NEK5: variants seen among roughly 807,000 people sequenced by gnomAD.
NEK5 encodes serine/threonine-protein kinase Nek5.
NEK5 carries 88 observed loss-of-function variants against 109.2 expected under a neutral mutation model. The observed-to-expected ratio is 0.81, with a 90% CI of 0.68 to 0.96. The LOEUF (loss-of-function observed/expected upper bound fraction) is 0.96, where lower values mean the gene tolerates loss of function less well. Ranked by LOEUF, NEK5 falls within the 40% of genes least tolerant of loss-of-function variation. The pLI is 0.00. For synonymous variants in NEK5, 283 were observed against 299.9 expected, an observed-to-expected ratio of 0.94 and a Z score of 0.58; for missense variants, 834 against 920.7, an observed-to-expected ratio of 0.91 and a Z score of 1.22.
At chr13:52,049,666 TAA>T (rs75893721) in intron 23 of NEK5, among the ~76,000 whole-genome samples, 7 of 131,666 alleles carry the variant, frequency 5.3e-5, no homozygotes, top group South Asian at 2.4e-4. Context: ...GCTGATGAAC[TAA>T]AAAAAAAAAA....
intron 23 of NEK5, among the ~76,000 whole-genome samples, chr13:52,045,168 C>T (rs1210784997): frequency 1.7e-5 from 2 of 120,734 alleles, no homozygotes; most frequent in African/African-American, 3.1e-5. Context: ...GTCTCTCTGT[C>T]GCCCAGGCTG....
intron 17 of NEK5, among the ~76,000 whole-genome samples, chr13:52,078,142 G>T (rs914284899): frequency 2.0e-5 from 3 of 151,536 alleles, no homozygotes; most frequent in Admixed American, 6.6e-5. Flanking sequence ...AAAAGCTGGA[G>T]ACAACCCAAA....
intron 17 of NEK5, among the ~76,000 whole-genome samples, chr13:52,081,783 C>T (rs1955018397): frequency 2.0e-5 from 3 of 152,036 alleles, no homozygotes; most frequent in South Asian, 4.2e-4. Flanking sequence ...TTTTTAATTA[C>T]CTGACTTATT....
At chr13:52,114,293 C>A (rs1373953249) in intron 4 of NEK5, among the ~76,000 whole-genome samples, 1 of 152,150 alleles carries the variant, frequency 6.6e-6, no homozygotes, top group Non-Finnish European at 1.5e-5. Context: ...GTCTTATAAG[C>A]AATTGTTGAT....
chr13:52,117,537 C>T (rs1269088943), intron 4 of NEK5, among the ~76,000 whole-genome samples: 1 of 152,180 alleles, frequency 6.6e-6, no homozygotes, highest in Non-Finnish European at 1.5e-5. Flanking sequence ...TCTGCAAAAG[C>T]TTCCAGTGGT....
chr13:52,039,324 T>C (rs905105661), intron 23 of NEK5, among the ~76,000 whole-genome samples: 3 of 152,118 alleles, frequency 2.0e-5, no homozygotes, highest in Admixed American at 6.5e-5. Context: ...AGGCTTAGGA[T>C]TGCCAGTCAT....
chr13:52,075,347 C>T (rs1010013842), intron 19 of NEK5, among the ~76,000 whole-genome samples: 1 of 152,124 alleles, frequency 6.6e-6, no homozygotes, highest in African/African-American at 2.4e-5. Context: ...GGCTACTATC[C>T]TAAGCAAATT....
At position 52,061,843 on chromosome 13, in the gene NEK5, A is replaced by C; in HGVS notation, c.2086T>G (p.Ser696Ala). The change falls in exon 22 of 24, where the codon TCA becomes GCA. Residue 696 changes from serine (S) to alanine (A), a missense_variant. Transcript: ENST00000684899. ...CCAAATTCTTCATCGGCAGAAAATG[A>C]GCTACTCGTTAGATGTGCTGCTGCC... is the stretch of plus-strand genomic sequence containing the variant. The part of the protein sequence containing the change: ...VLAAAHLTSS[S>A]FSADEEFAMG... 2 of 985,768 alleles carry C rather than the reference A, an allele frequency of 2.0e-6. No homozygotes were observed. The highest frequency in any genetic ancestry group is 9.4e-5 in the South Asian group (2 of 21,290). 61.1% of individuals were successfully genotyped at this position (985,768 alleles called of 1,614,324 possible). A position where few individuals can be genotyped will look rare whatever the true frequency, so the allele number is the denominator to read the frequency against.
At chr13:52,046,451 C>T (rs1368710950) in intron 23 of NEK5, among the ~76,000 whole-genome samples, 1 of 148,964 alleles carries the variant, frequency 6.7e-6, no homozygotes, top group Non-Finnish European at 1.5e-5. Context: ...TGCATTCCAG[C>T]CTGGGGAACA....
At chr13:52,082,896 C>T (rs1955042897) in intron 17 of NEK5, among the ~76,000 whole-genome samples, 1 of 152,178 alleles carries the variant, frequency 6.6e-6, no homozygotes, top group African/African-American at 2.4e-5. Context: ...TGCCTATAAT[C>T]CCAGCATTTT....
Position 52,036,765 on chromosome 13 carries a change from A to C in NEK5, c.*183T>G, listed in dbSNP as rs1274507536. On this transcript the variant is annotated 3_prime_UTR_variant, in exon 24 of 24. Coordinates refer to ENST00000684899, the MANE Select transcript of NEK5 (RefSeq NM_001365552.1). ...GCCCGGCCTAAGATTTCTTAATAGAAACTTTAAAGTAAAAATATTAATGGC... is the reference window on the plus strand; with the variant it reads ...GCCCGGCCTAAGATTTCTTAATAGACACTTTAAAGTAAAAATATTAATGGC... The C allele has an allele frequency of 5.3e-6, 1 of 187,526 alleles. No homozygotes were observed. Among genetic ancestry groups the C allele is most frequent in the Non-Finnish European group, 1.0e-5 (1 of 100,492 alleles). 11.6% of individuals were successfully genotyped at this position (187,526 alleles called of 1,614,324 possible).
chr13:52,082,745 G>C (rs1243073090), intron 17 of NEK5, among the ~76,000 whole-genome samples: 1 of 152,168 alleles, frequency 6.6e-6, no homozygotes, highest in Non-Finnish European at 1.5e-5. Context: ...ATACTAAATA[G>C]CAGCAGTTCT....
chr13:52,112,937 T>C (rs1334801719), intron 4 of NEK5, among the ~76,000 whole-genome samples: 2 of 152,246 alleles, frequency 1.3e-5, no homozygotes, highest in African/African-American at 4.8e-5. Flanking sequence ...TATGTCCAAG[T>C]ACCTCTGCTC....
chr13:52,126,717 T>C (rs1198089552), intron 3 of NEK5, among the ~76,000 whole-genome samples: 1 of 152,126 alleles, frequency 6.6e-6, no homozygotes, highest in Non-Finnish European at 1.5e-5. Flanking sequence ...AGGTGGAGAT[T>C]GCAGTGAGCC....
rs150614523 is a variant in NEK5, at chr13:52,096,848, T to C, written c.1026+2895A>G. 2.2e-3 allele frequency among the ~76,000 whole-genome samples: 335 copies of C among 152,268 alleles called. 2 individuals carry two copies. Among genetic ancestry groups the C allele is most frequent in the African/African-American group, 7.7e-3 (322 of 41,562 alleles). The stretch of plus-strand genomic sequence containing the variant: ...TAATGGGGGAAATGCCTTGAAGGCA[T>C]TTCAGAGACCTTTGAGGCAGCCCCT... On this transcript the variant is annotated intron_variant, in intron 12 of 23. Transcript: ENST00000684899.
chr13:52,070,253 G>A (rs1179479516), intron 20 of NEK5, among the ~76,000 whole-genome samples: 1 of 152,158 alleles, frequency 6.6e-6, no homozygotes, highest in Non-Finnish European at 1.5e-5. Flanking sequence ...GAGAAAAGTG[G>A]GTCACAGCAG....
chr13:52,035,547 C>T lies in NEK5; in HGVS notation c.*1401G>A, dbSNP rs1047331504. On this transcript the variant is annotated 3_prime_UTR_variant, in exon 24 of 24. Coordinates refer to ENST00000684899, the MANE Select transcript of NEK5 (RefSeq NM_001365552.1). ...CTGTTAAGCTCCAGGCCATGTTCAA[C>T]GTTGGAATTGTTATGATCAATTTTA... 2 of 152,092 alleles carry T rather than the reference C, an allele frequency of 1.3e-5. No individual in the cohort carries two copies. Among genetic ancestry groups the T allele is most frequent in the East Asian group, 3.8e-4 (2 of 5,196 alleles). The allele number at this position is 152,092 out of a possible 1,614,324, so 9.4% of individuals were successfully genotyped here.
At chr13:52,086,247 A>G (rs1955139606) in intron 16 of NEK5, 30 bp downstream of exon 16, 6 of 1,330,748 alleles carry the variant, frequency 4.5e-6, no homozygotes, top group Non-Finnish European at 6.5e-6. Flanking sequence ...AATCGATAGA[A>G]CAATGTTTCC....
At chr13:52,069,749 T>C (rs983166045) in intron 20 of NEK5, among the ~76,000 whole-genome samples, 6 of 152,196 alleles carry the variant, frequency 3.9e-5, no homozygotes, top group Non-Finnish European at 7.3e-5. Context: ...CTCTGGCTCA[T>C]GCACTTGGAC....
Sources: gnomAD v4.1 joint callset for allele counts (sites outside exome capture counted in the v4.1 genomes callset) on GRCh38, gnomAD v4.1.1 for gene constraint, MANE v1.5 for transcripts, NCBI Gene and HGNC (gene_info 2026-07-23, HGNC 2026-07-21) for gene names.